The following MECOM variants were observed in gnomAD, a reference collection of about 807,000 sequenced individuals.
MECOM encodes the protein histone-lysine N-methyltransferase MECOM.
MECOM carries 13 observed loss-of-function variants against 116.3 expected under a neutral mutation model. The ratio of observed to expected loss-of-function variants is 0.11; its 90% CI spans 0.07 to 0.18. The LOEUF is 0.18. Ranked by LOEUF, MECOM falls within the 10% of genes least tolerant of loss-of-function variation. The pLI, the probability that MECOM is intolerant of heterozygous loss-of-function variation, is 1.00. For missense variants in MECOM, 1,299 were observed against 1,509.0 expected, an observed-to-expected ratio of 0.86 and a Z score of 2.31; for synonymous variants, 528 against 535.2, an observed-to-expected ratio of 0.99 and a Z score of 0.19.
rs577608224 is a variant in MECOM at position 169,096,063 on chromosome 3, G to C, written c.2850-818C>G. On this transcript the variant is annotated intron_variant, in intron 12 of 16. Transcript: ENST00000651503. ...AAAAAAATCATAAATTATTTTTAAA[G>C]TTTTCCTTTAGTCATAAAATGAAAA... 2.7e-3 allele frequency among the ~76,000 whole-genome samples: 413 copies of C among 152,040 alleles called. 1 individual carries two copies. The highest frequency in any genetic ancestry group is 9.4e-3 in the African/African-American group (390 of 41,492).
At chr3:169,376,827 C>G (rs992771119) in intron 2 of MECOM, among the ~76,000 whole-genome samples, 16 of 152,110 alleles carry the variant, frequency 1.1e-4, no homozygotes, top group African/African-American at 3.9e-4. Flanking sequence ...GAAAAAACTA[C>G]TTTAAATTTC....
intron 2 of MECOM, among the ~76,000 whole-genome samples, chr3:169,231,774 GAA>G (rs11456636): frequency 2.2e-5 from 3 of 137,020 alleles, no homozygotes; most frequent in East Asian, 2.1e-4. Flanking sequence ...CCCATGACCA[GAA>G]AAAAAAAAAA....
chr3:169,128,754 A>G (rs993344240), intron 4 of MECOM, among the ~76,000 whole-genome samples: 10 of 152,230 alleles, frequency 6.6e-5, no homozygotes, highest in Admixed American at 2.0e-4. Context: ...GCTTTGTTAA[A>G]TAGAAAACAT....
intron 10 of MECOM, among the ~76,000 whole-genome samples, chr3:169,107,548 G>A (rs1270084537): frequency 6.6e-6 from 1 of 152,110 alleles, no homozygotes; most frequent in Non-Finnish European, 1.5e-5. Context: ...CCTTTAGAAG[G>A]CTTTATCAAA....
At chr3:169,644,260 ATT>A (rs1773872070) in intron 1 of MECOM, among the ~76,000 whole-genome samples, 1 of 150,826 alleles carries the variant, frequency 6.6e-6, no homozygotes, top group African/African-American at 2.4e-5. Flanking sequence ...TTATTTATTT[ATT>A]TATTTATTTA....
intron 1 of MECOM, among the ~76,000 whole-genome samples, chr3:169,644,786 A>G (rs1052679586): frequency 1.3e-5 from 2 of 152,332 alleles, no homozygotes. Context: ...TGCAAAATCC[A>G]AATGAAATCT....
chr3:169,570,885 C>T (rs879623686), intron 1 of MECOM, among the ~76,000 whole-genome samples: 2 of 152,162 alleles, frequency 1.3e-5, no homozygotes, highest in African/African-American at 2.4e-5. Flanking sequence ...CTACATCATA[C>T]TGAGTGGGCA....
At chr3:169,149,864 G>A in intron 2 of MECOM, 7 of 307,690 alleles carry the variant, frequency 2.3e-5, no homozygotes, top group East Asian at 9.1e-5. Flanking sequence ...AAAGACTAAA[G>A]GAAATCATCA....
intron 3 of MECOM, among the ~76,000 whole-genome samples, chr3:169,139,805 A>G (rs1303197185): frequency 6.6e-6 from 1 of 152,024 alleles, no homozygotes; most frequent in East Asian, 1.9e-4. Context: ...ATGTGGGGTC[A>G]AAAGGAGACT....
chr3:169,545,422 T>C (rs1760612830), intron 1 of MECOM, among the ~76,000 whole-genome samples: 1 of 152,084 alleles, frequency 6.6e-6, no homozygotes, highest in Non-Finnish European at 1.5e-5. Context: ...TGAACAAAGG[T>C]AAGAGGGAAA....
chr3:169,444,693 G>T (rs938626326), intron 1 of MECOM, among the ~76,000 whole-genome samples: 9 of 152,132 alleles, frequency 5.9e-5, no homozygotes, highest in Non-Finnish European at 8.8e-5. Context: ...GATACCCGAT[G>T]ACTTTGGAAC....
At chr3:169,193,324 T>A (rs1227752009) in intron 2 of MECOM, among the ~76,000 whole-genome samples, 3 of 151,948 alleles carry the variant, frequency 2.0e-5, no homozygotes, top group African/African-American at 7.2e-5. Flanking sequence ...AAATATAGTG[T>A]TCATAAGAAG....
chr3:169,566,287 T>G (rs905908288), intron 1 of MECOM, among the ~76,000 whole-genome samples: 4 of 152,066 alleles, frequency 2.6e-5, no homozygotes, highest in African/African-American at 9.7e-5. Flanking sequence ...GACTAATACA[T>G]GAAGACTGTG....
chr3:169,541,592 C>T (rs778486446), intron 1 of MECOM, among the ~76,000 whole-genome samples: 6 of 152,210 alleles, frequency 3.9e-5, no homozygotes, highest in Non-Finnish European at 7.3e-5. Context: ...CCCAAATTTC[C>T]CTGCCAAGAG....
At chr3:169,659,929 T>C (rs909344100) in intron 1 of MECOM, among the ~76,000 whole-genome samples, 6 of 152,172 alleles carry the variant, frequency 3.9e-5, no homozygotes, top group African/African-American at 1.4e-4. Flanking sequence ...TGCCGCGGTC[T>C]TGCTAATCGC....
chr3:169,539,697 C>A (rs1421009), intron 1 of MECOM, among the ~76,000 whole-genome samples: 31,828 of 151,954 alleles, frequency 0.21, 4,408 homozygotes, highest in East Asian at 0.69. Context: ...CATGCTCTGC[C>A]CAGTAGCCAG....
intron 1 of MECOM, among the ~76,000 whole-genome samples, chr3:169,410,325 A>T (rs927994760): frequency 6.6e-5 from 10 of 152,232 alleles, no homozygotes; most frequent in Admixed American, 4.6e-4. Flanking sequence ...TTAAAATATC[A>T]AACGTTCTGT....
At chr3:169,582,945 C>T (rs1250772881) in intron 1 of MECOM, among the ~76,000 whole-genome samples, 1 of 151,998 alleles carries the variant, frequency 6.6e-6, no homozygotes, top group Non-Finnish European at 1.5e-5. Context: ...TCATGTGTTC[C>T]CAAACTTAAA....
intron 1 of MECOM, among the ~76,000 whole-genome samples, chr3:169,484,713 A>T (rs1751888732): frequency 6.6e-6 from 1 of 152,232 alleles, no homozygotes; most frequent in Non-Finnish European, 1.5e-5. Flanking sequence ...TGGATGTTTC[A>T]CATGAAATTA....
Sources: gnomAD v4.1 joint callset for allele counts (sites outside exome capture counted in the v4.1 genomes callset) on GRCh38, gnomAD v4.1.1 for gene constraint, MANE v1.5 for transcripts, NCBI Gene and HGNC (gene_info 2026-07-23, HGNC 2026-07-21) for gene names.